Variants in MATN2 observed in about 807,000 individuals in gnomAD.
MATN2 encodes the protein matrilin-2.
MATN2 carries 69 observed loss-of-function variants against 103.2 expected under a neutral mutation model. The ratio of observed to expected loss-of-function variants is 0.67; its 90% CI spans 0.55 to 0.82. The LOEUF is 0.82. MATN2 is among the 40% of genes least tolerant of loss of function. The pLI, the probability that MATN2 is intolerant of heterozygous loss-of-function variation, is 0.00. For synonymous variants in MATN2, 429 were observed against 450.2 expected (o/e 0.95, Z 0.60); for missense variants, 1,023 against 1,211.5 (o/e 0.84, Z 2.31).
At chr8:98,006,514 T>C (rs566899450) in intron 8 of MATN2, among the ~76,000 whole-genome samples, 1 of 152,322 alleles carries the variant, frequency 6.6e-6, no homozygotes, top group African/African-American at 2.4e-5. Context: ...CCAGCATCCA[T>C]AGCTAGGAAG....
At chr8:97,943,374 C>T (rs888246921) in intron 4 of MATN2, among the ~76,000 whole-genome samples, 1 of 151,986 alleles carries the variant, frequency 6.6e-6, no homozygotes, top group Non-Finnish European at 1.5e-5. Flanking sequence ...TGCCCACTCC[C>T]TTCCTGCCCT....
chr8:97,944,265 CTTT>C (rs979735076), intron 4 of MATN2, among the ~76,000 whole-genome samples: 1 of 152,194 alleles, frequency 6.6e-6, no homozygotes, highest in Admixed American at 6.5e-5. Context: ...GACTGCCACA[CTTT>C]GAGATTCACT....
intron 14 of MATN2, 98 bp from the exon 15 acceptor site, chr8:98,030,364 A>G (rs1813969107): frequency 5.7e-6 from 5 of 881,832 alleles, no homozygotes; most frequent in Middle Eastern, 2.5e-4. Flanking sequence ...AAATCATACC[A>G]CTTAACATCT....
chr8:97,941,986 G>T, intron 4 of MATN2, 87 bp downstream of exon 4: 14 of 1,506,970 alleles, frequency 9.3e-6, no homozygotes, highest in Non-Finnish European at 1.3e-5. Context: ...TTATTCATCT[G>T]TGATGCCTCA....
At chr8:97,984,640 C>T (rs1586123030) in intron 6 of MATN2, among the ~76,000 whole-genome samples, 2 of 152,288 alleles carry the variant, frequency 1.3e-5, no homozygotes, top group East Asian at 1.9e-4. Flanking sequence ...TAGGGTCCCC[C>T]GTGTTTCTTC....
chr8:97,955,877 A>G (rs901659627), intron 4 of MATN2, among the ~76,000 whole-genome samples: 3 of 152,208 alleles, frequency 2.0e-5, no homozygotes, highest in African/African-American at 7.2e-5. Context: ...AGTGGATAGC[A>G]GGGCACACAG....
chr8:98,023,729 C>T (rs1321293103), intron 13 of MATN2, among the ~76,000 whole-genome samples: 1 of 152,034 alleles, frequency 6.6e-6, no homozygotes, highest in Non-Finnish European at 1.5e-5. Context: ...CTCACACACA[C>T]TAAGTGCTCA....
intron 5 of MATN2, among the ~76,000 whole-genome samples, chr8:97,974,098 A>T (rs1811754460): frequency 1.3e-5 from 2 of 150,468 alleles, no homozygotes; most frequent in African/African-American, 2.4e-5. Flanking sequence ...ATTTTTAAAA[A>T]CTCAGTTTCT....
At chr8:97,999,369 C>T (rs1282280300) in intron 7 of MATN2, among the ~76,000 whole-genome samples, 1 of 152,116 alleles carries the variant, frequency 6.6e-6, no homozygotes, top group Non-Finnish European at 1.5e-5. Context: ...TTTGAGGAAC[C>T]GCCATGCTGT....
At chr8:98,027,938 G>A in intron 14 of MATN2, 109 bp downstream of exon 14, 1 of 1,130,156 alleles carries the variant, frequency 8.8e-7, no homozygotes, top group Non-Finnish European at 1.2e-6. Context: ...TGTACAGAAA[G>A]GCCTCCTGGC....
chr8:97,934,237 A>G (rs1810300796), intron 3 of MATN2, among the ~76,000 whole-genome samples: 1 of 152,216 alleles, frequency 6.6e-6, no homozygotes, highest in African/African-American at 2.4e-5. Flanking sequence ...TAGTTGTACA[A>G]TCTTGAGCAA....
rs1810180473 is a variant in MATN2, at chr8:97,931,257, A to G, written c.447A>G (p.Ser149=). 1.2e-6 allele frequency: 2 copies of G among 1,613,954 alleles called. No individual in the cohort carries two copies. The highest frequency in any genetic ancestry group is 1.7e-6 in the Non-Finnish European group (2 of 1,179,874). Residue 149 remains serine (S), a synonymous_variant, in exon 3 of 19, where the codon TCA becomes TCG. Coordinates refer to ENST00000254898, the MANE Select transcript of MATN2 (RefSeq NM_002380.5). The surrounding 1 kb of genome is among the most constrained non-coding windows in gnomAD (Gnocchi z 4.1). ...AIQYALNIAF[S]EAEGARPLRE... Reference sequence around the variant, plus strand: ...AGTATGCCCTGAACATCGCATTCTCAGAAGCAGAGGGGGCCCGGCCCCTGA... The same window carrying G: ...AGTATGCCCTGAACATCGCATTCTCGGAAGCAGAGGGGGCCCGGCCCCTGA...
chr8:97,911,907 G>T (rs528708307), intron 2 of MATN2, among the ~76,000 whole-genome samples: 1 of 152,206 alleles, frequency 6.6e-6, no homozygotes, highest in African/African-American at 2.4e-5. Context: ...CTTACTTTGC[G>T]CCAGGCACTA....
intron 2 of MATN2, among the ~76,000 whole-genome samples, chr8:97,926,949 T>G (rs1252255887): frequency 1.3e-5 from 2 of 152,178 alleles, no homozygotes; most frequent in African/African-American, 4.8e-5. Flanking sequence ...CCCAGTGAGA[T>G]AGCAAGGTCA....
chr8:97,951,289 C>A (rs1219819068), intron 4 of MATN2, among the ~76,000 whole-genome samples: 1 of 152,048 alleles, frequency 6.6e-6, no homozygotes, highest in Non-Finnish European at 1.5e-5. Context: ...GAGTAGAGCC[C>A]CATGGGAGAA....
intron 8 of MATN2, chr8:98,004,221 G>T: frequency 5.6e-6 from 1 of 177,662 alleles, no homozygotes; most frequent in Non-Finnish European, 1.2e-5. Context: ...CTAGGAGGCA[G>T]AGGTGCAGTG....
chr8:97,878,313 C>G (rs1162434438), intron 1 of MATN2, among the ~76,000 whole-genome samples: 1 of 152,046 alleles, frequency 6.6e-6, no homozygotes, highest in Admixed American at 6.6e-5. Flanking sequence ...ACCTGTAATC[C>G]CAGCACTTGG....
At chr8:97,870,161 G>A (rs140405398) in intron 1 of MATN2, among the ~76,000 whole-genome samples, 2 of 152,282 alleles carry the variant, frequency 1.3e-5, no homozygotes, top group Non-Finnish European at 2.9e-5. Context: ...AGGTACCCAA[G>A]TATGCCTCAG....
intron 2 of MATN2, among the ~76,000 whole-genome samples, chr8:97,898,597 CAAA>C (rs1272617710): frequency 2.2e-5 from 2 of 92,192 alleles, no homozygotes; most frequent in Admixed American, 1.2e-4. Flanking sequence ...AACTCCTTCT[CAAA>C]AAAAAAAAAA....
Sources: gnomAD v4.1 joint callset for allele counts (sites outside exome capture counted in the v4.1 genomes callset) on GRCh38, gnomAD v4.1.1 for gene constraint, Gnocchi (gnomAD v3.1) non-coding constraint, MANE v1.5 for transcripts, NCBI Gene and HGNC (gene_info 2026-07-23, HGNC 2026-07-21) for gene names.